The following F9 variants were observed in gnomAD, a reference collection of about 807,000 sequenced individuals.
F9 encodes the protein Christmas factor.
In F9, 2 loss-of-function variants were observed where a neutral mutation model predicts 34.1. The ratio of observed to expected loss-of-function variants is 0.06; its 90% CI spans 0.02 to 0.18. The LOEUF is 0.18. Among genes scored for constraint, F9 ranks in the 10% least tolerant of loss-of-function variants. The pLI is 1.00. For missense variants in F9, 216 were observed against 345.1 expected, an observed-to-expected ratio of 0.63 and a Z score of 2.96; for synonymous variants, 137 against 118.8, an observed-to-expected ratio of 1.15 and a Z score of -1.00.
rs4149691 is a variant in F9, at chrX:139,540,487, G to C, written c.278-589G>C. Among the ~76,000 whole-genome samples, 373 of 111,976 alleles carry C rather than the reference G, an allele frequency of 3.3e-3. 1 individual carries two copies. Among genetic ancestry groups the C allele is most frequent in the East Asian group, 0.015 (54 of 3,570 alleles). Reference sequence around the variant, plus strand: ...GTAAAACATAGACTATCTTTAAGTAGTAACAGATGCTTCTGACATGTTTTC... The same window carrying C: ...GTAAAACATAGACTATCTTTAAGTACTAACAGATGCTTCTGACATGTTTTC... On this transcript the variant is annotated intron_variant, in intron 3 of 7. Transcript: ENST00000218099.
chrX:139,535,103 C>T (rs1044697641), intron 1 of F9, among the ~76,000 whole-genome samples: 1 of 111,497 alleles, frequency 9.0e-6, no homozygotes, highest in Non-Finnish European at 1.9e-5. Flanking sequence ...ATAATCCCAG[C>T]ACTTTCAGAG....
rs745849451 is a variant in F9 at position 139,530,799 on chromosome X, C to T, written c.35C>T (p.Pro12Leu). ...QRVNMIMAES[P>L]GLITICLLGY... ...GTGAACATGATCATGGCAGAATCAC[C>T]AGGCCTCATCACCATCTGCCTTTTA... The change falls in exon 1 of 8, where the codon CCA becomes CTA. Residue 12 changes from proline (P) to leucine (L), a missense_variant. By Grantham distance (98) the Pro-to-Leu change is moderately conservative. Coordinates refer to ENST00000218099, the MANE Select transcript of F9 (RefSeq NM_000133.4). The T allele has an allele frequency of 2.5e-6, 3 of 1,210,993 alleles. No homozygotes were observed. Among genetic ancestry groups the T allele is most frequent in the Non-Finnish European group, 3.4e-6 (3 of 894,658 alleles).
intron 4 of F9, among the ~76,000 whole-genome samples, chrX:139,542,196 C>T (rs1455388143): frequency 8.9e-6 from 1 of 111,994 alleles, no homozygotes; most frequent in Admixed American, 9.5e-5. Flanking sequence ...AAAAAGTCAC[C>T]TGTAATGTTG....
chrX:139,533,342 A>G (rs1192744402), intron 1 of F9, among the ~76,000 whole-genome samples: 1 of 112,031 alleles, frequency 8.9e-6, no homozygotes, highest in Non-Finnish European at 1.9e-5. Context: ...CTTAGCCTCT[A>G]TGAATCTATC....
intron 6 of F9, among the ~76,000 whole-genome samples, chrX:139,553,674 G>A (rs982278006): frequency 3.7e-5 from 4 of 108,924 alleles, no homozygotes; most frequent in African/African-American, 6.7e-5. Context: ...TTAGCCCGGC[G>A]TGGTGGCAGG....
At chrX:139,553,209 C>A (rs112655572) in intron 6 of F9, among the ~76,000 whole-genome samples, 1,281 of 111,721 alleles carry the variant, frequency 0.011, 18 homozygotes, top group African/African-American at 0.038. Flanking sequence ...CTTAATTGCA[C>A]CCTATGAGGA....
chrX:139,558,197 T>C (rs1928014041), intron 6 of F9, among the ~76,000 whole-genome samples: 1 of 113,855 alleles, frequency 8.8e-6, no homozygotes, highest in African/African-American at 3.2e-5. Flanking sequence ...GTGGCATCTC[T>C]GGACCAAGAA....
intron 6 of F9, among the ~76,000 whole-genome samples, chrX:139,552,126 C>T (rs142983014): frequency 8.7e-4 from 97 of 111,463 alleles, no homozygotes; most frequent in South Asian, 3.5e-3. Context: ...CCTGGAAAGT[C>T]GAGGCTGCAG....
rs1348079118 is a variant in F9, at chrX:139,541,201, T to C, written c.391+12T>C. Reference sequence around the variant, plus strand: ...GAACTGTGAATTAGGTAAGTAACTATTTTTTGAATACTCATGGTTCAAAGT... The same window carrying C: ...GAACTGTGAATTAGGTAAGTAACTACTTTTTGAATACTCATGGTTCAAAGT... On this transcript the variant is annotated intron_variant, in intron 4 of 7. Transcript: ENST00000218099. 1.9e-6 allele frequency: 2 copies of C among 1,075,454 alleles called. No individual in the cohort carries two copies. Among genetic ancestry groups the C allele is most frequent in the Non-Finnish European group, 1.3e-6 (1 of 780,088 alleles). The allele number at this position is 1,075,454 out of a possible 1,213,427, so 88.6% of individuals were successfully genotyped here. A position where few individuals can be genotyped will look rare whatever the true frequency, so the allele number is the denominator to read the frequency against.
At position 139,561,521 on chromosome X, in the gene F9, T is replaced by C. The variant is rs1289561391; in HGVS notation, c.839-3T>C. 9 of 1,197,744 alleles carry C rather than the reference T, an allele frequency of 7.5e-6. No individual in the cohort carries two copies. The highest frequency in any genetic ancestry group is 7.0e-5 in the African/African-American group (4 of 57,013). On this transcript the variant is annotated splice_polypyrimidine_tract_variant and splice_region_variant and intron_variant, in intron 7 of 7. Coordinates refer to ENST00000218099, the MANE Select transcript of F9 (RefSeq NM_000133.4). ...GACTTAAAATGAAATTTATTTTTAATAGGTGAACATAATATTGAGGAGACA... is the reference window on the plus strand; with the variant it reads ...GACTTAAAATGAAATTTATTTTTAACAGGTGAACATAATATTGAGGAGACA...
At chrX:139,560,441 C>T (rs955645055) in intron 6 of F9, among the ~76,000 whole-genome samples, 5 of 111,930 alleles carry the variant, frequency 4.5e-5, no homozygotes, top group Non-Finnish European at 7.5e-5. Context: ...GAGAAACTGA[C>T]TCATGGGGAA....
At chrX:139,557,518 A>T (rs1447101815) in intron 6 of F9, among the ~76,000 whole-genome samples, 1 of 112,064 alleles carries the variant, frequency 8.9e-6, no homozygotes, top group African/African-American at 3.2e-5. Flanking sequence ...GACTAGCTAC[A>T]TCATAATCTC....
At chrX:139,533,685 A>G (rs749399583) in intron 1 of F9, among the ~76,000 whole-genome samples, 1 of 111,926 alleles carries the variant, frequency 8.9e-6, no homozygotes, top group African/African-American at 3.2e-5. Context: ...TATGCTCAGT[A>G]AATTTTGTTG....
At chrX:139,540,286 C>T (rs1037779726) in intron 3 of F9, among the ~76,000 whole-genome samples, 1 of 111,686 alleles carries the variant, frequency 9.0e-6, no homozygotes, top group African/African-American at 3.3e-5. Context: ...GTTTTCTTAC[C>T]ATCAGTGTCT....
intron 2 of F9, 44 bp downstream of exon 2, chrX:139,537,217 T>G (rs73588079): frequency 8.5e-7 from 1 of 1,174,750 alleles, no homozygotes; most frequent in South Asian, 1.8e-5. Context: ...GAGCATAGAA[T>G]AGAAAATCTT....
intron 4 of F9, among the ~76,000 whole-genome samples, chrX:139,545,585 C>A (rs1040677393): frequency 9.0e-6 from 1 of 111,711 alleles, no homozygotes; most frequent in Non-Finnish European, 1.9e-5. Flanking sequence ...AATAAAATTA[C>A]ACTGGGAGGC....
In F9 at chrX:139,537,062, T is replaced by C. The variant is rs1556435929; in HGVS notation, c.141T>C (p.Tyr47=). 1 of 1,210,383 alleles carries C rather than the reference T, an allele frequency of 8.3e-7. No homozygotes were observed. Among genetic ancestry groups the C allele is most frequent in the Non-Finnish European group, 1.1e-6 (1 of 894,240 alleles). ...ANKILNRPKR[Y]NSGKLEEFVQ... ...AAATTCTGAATCGGCCAAAGAGGTATAATTCAGGTAAATTGGAAGAGTTTG... is the reference window on the plus strand; with the variant it reads ...AAATTCTGAATCGGCCAAAGAGGTACAATTCAGGTAAATTGGAAGAGTTTG... Residue 47 remains tyrosine (Y), a synonymous_variant, in exon 2 of 8, where the codon TAT becomes TAC. Transcript: ENST00000218099.
intron 4 of F9, among the ~76,000 whole-genome samples, chrX:139,546,927 T>C (rs944326215): frequency 1.4e-4 from 16 of 112,096 alleles, no homozygotes; most frequent in African/African-American, 4.8e-4. Flanking sequence ...CAGGCTTTTT[T>C]TGGTGGTGGG....
rs1310534265 is a variant in F9 at position 139,561,725 on chromosome X, A to G, written c.1040A>G (p.Lys347Arg). The G allele has an allele frequency of 5.8e-6, 7 of 1,211,882 alleles. No homozygotes were observed. Among genetic ancestry groups the G allele is most frequent in the Admixed American group, 4.3e-5 (2 of 46,049 alleles). Residue 347 changes from lysine (K) to arginine (R), a missense_variant, in exon 8 of 8, where the codon AAA (lysine) becomes AGA (arginine). By Grantham distance (26) the Lys-to-Arg change is conservative (BLOSUM62 2). This residue lies in a region of F9 where 177 missense variants were observed against 311.8 expected (regional missense o/e 0.57). Coordinates refer to ENST00000218099, the MANE Select transcript of F9 (RefSeq NM_000133.4). Reference protein sequence around the residue: ...ADKEYTNIFLKFGSGYVSGWG... With the variant: ...ADKEYTNIFLRFGSGYVSGWG... ...AAGGAATACACGAACATCTTCCTCA[A>G]ATTTGGATCTGGCTATGTAAGTGGC...
Sources: allele counts gnomAD v4.1 joint callset (sites outside exome capture counted in the v4.1 genomes callset), GRCh38; gene constraint gnomAD v4.1.1; regional missense constraint gnomAD v4.1.1; transcripts MANE v1.5; gene names NCBI Gene and HGNC (gene_info 2026-07-23, HGNC 2026-07-21).